The following CD82 variants were observed in gnomAD, a reference collection of about 807,000 sequenced individuals.
CD82 encodes the protein CD82 molecule, also known as CD82 antigen.
CD82 carries 36 observed loss-of-function variants against 37.4 expected under a neutral mutation model. That is an observed-to-expected ratio of 0.96 (90% CI 0.74 to 1.27). CD82 has a LOEUF of 1.27. CD82 is among the 50% of genes most tolerant of loss of function. The probability of loss-of-function intolerance (pLI) is 0.00; values close to 1 mark genes in which losing one functional copy is unlikely to be tolerated. For missense variants in CD82, 340 were observed against 347.0 expected (o/e 0.98, Z 0.16); for synonymous variants, 158 against 137.4 (o/e 1.15, Z -1.05).
At chr11:44,570,228 A>G (rs1345881379) in intron 1 of CD82, among the ~76,000 whole-genome samples, 2 of 152,098 alleles carry the variant, frequency 1.3e-5, no homozygotes, top group East Asian at 3.9e-4. Context: ...AGGTCTGAAC[A>G]TCTCTGGCTG....
At chr11:44,583,489 G>C (rs1158826382) in intron 1 of CD82, among the ~76,000 whole-genome samples, 1 of 152,240 alleles carries the variant, frequency 6.6e-6, no homozygotes, top group Non-Finnish European at 1.5e-5. Context: ...CTTCCTGAAA[G>C]GAAGCTGAGA....
At chr11:44,592,783 T>C in intron 2 of CD82, among the ~76,000 whole-genome samples, 1 of 152,156 alleles carries the variant, frequency 6.6e-6, no homozygotes, top group East Asian at 1.9e-4. Flanking sequence ...GTCACTGCCA[T>C]CTCTGCAATT....
At chr11:44,564,816 G>A (rs1040522914), upstream of CD82, among the ~76,000 whole-genome samples, 15 of 152,324 alleles carry the variant, frequency 9.8e-5, no homozygotes, top group African/African-American at 3.6e-4. Flanking sequence ...ACCTGAGGCT[G>A]GATCCCGCTC....
At chr11:44,614,865 C>T (rs923703315) in intron 6 of CD82, among the ~76,000 whole-genome samples, 2 of 152,042 alleles carry the variant, frequency 1.3e-5, no homozygotes, top group Non-Finnish European at 1.5e-5. Context: ...GTGCCTGGCA[C>T]AAAGACAGCA....
At chr11:44,609,487 G>A (rs1853449734) in intron 6 of CD82, among the ~76,000 whole-genome samples, 1 of 152,104 alleles carries the variant, frequency 6.6e-6, no homozygotes, top group Non-Finnish European at 1.5e-5. Flanking sequence ...CTGGCTGGGA[G>A]CCAGAGGTGG....
chr11:44,615,219 G>T (rs1441228252), intron 6 of CD82, 53 bp from the exon 7 acceptor site: 1 of 1,217,140 alleles, frequency 8.2e-7, no homozygotes, highest in East Asian at 2.3e-5. Flanking sequence ...GTGACCACAG[G>T]TGGGCACGGG....
chr11:44,600,317 G>A lies in CD82; in HGVS notation c.136+87G>A, dbSNP rs1379912776. The A allele has an allele frequency of 7.1e-5, 89 of 1,249,136 alleles. 1 individual carries two copies. The highest frequency in any genetic ancestry group is 1.1e-4 in the South Asian group (9 of 81,674). 77.4% of individuals were successfully genotyped at this position (1,249,136 alleles called of 1,614,324 possible). A position where few individuals can be genotyped will look rare whatever the true frequency, so the allele number is the denominator to read the frequency against. On this transcript the variant is annotated intron_variant, in intron 4 of 9. Transcript: ENST00000227155. ...ATACAGCTGCTCCCATAAGTGCTTC[G>A]GCTTCAATGCCTGTTGCTTTTCCCG...
At chr11:44,615,472 C>T (rs1404334319) in intron 7 of CD82, 99 bp downstream of exon 7, 7 of 746,372 alleles carry the variant, frequency 9.4e-6, no homozygotes, top group East Asian at 2.7e-5. Flanking sequence ...CTGCAGTGCT[C>T]GTGTGTGCCT....
Position 44,600,250 on chromosome 11 carries a change from C to T in CD82, c.136+20C>T, listed in dbSNP as rs1350787841. On this transcript the variant is annotated intron_variant, in intron 4 of 9. Transcript: ENST00000227155. ...TCCTGCGTAAGGACCCCTCAGCTTC[C>T]CCAGACCCAGGCCCACTGAAGAGGG... The T allele has an allele frequency of 6.2e-7, 1 of 1,612,584 alleles. No homozygotes were observed. The highest frequency in any genetic ancestry group is 8.5e-7 in the Non-Finnish European group (1 of 1,178,648).
At chr11:44,614,176 A>G (rs1853527444) in intron 6 of CD82, among the ~76,000 whole-genome samples, 2 of 152,038 alleles carry the variant, frequency 1.3e-5, no homozygotes, top group Admixed American at 6.6e-5. Context: ...CCATGACTAC[A>G]TAGAGGGAGG....
At chr11:44,608,896 T>C (rs1853439503) in intron 6 of CD82, among the ~76,000 whole-genome samples, 3 of 152,204 alleles carry the variant, frequency 2.0e-5, no homozygotes, top group Admixed American at 2.0e-4. Flanking sequence ...ACTTCAGAGA[T>C]GAAGAGCACT....
intron 4 of CD82, among the ~76,000 whole-genome samples, chr11:44,601,385 C>T (rs1853306819): frequency 6.6e-6 from 1 of 151,040 alleles, no homozygotes; most frequent in African/African-American, 2.4e-5. Context: ...CTATCAGTCT[C>T]ATCCCCTTTC....
intron 4 of CD82, among the ~76,000 whole-genome samples, chr11:44,601,058 G>A (rs764478551): frequency 6.6e-6 from 1 of 151,568 alleles, no homozygotes; most frequent in African/African-American, 2.4e-5. Flanking sequence ...CCAGGAAGCC[G>A]TCAGGGCCTG....
At chr11:44,567,474 G>T (rs747322212) in intron 1 of CD82, among the ~76,000 whole-genome samples, 2 of 152,008 alleles carry the variant, frequency 1.3e-5, no homozygotes, top group Non-Finnish European at 2.9e-5. Flanking sequence ...CTTCCTGGAG[G>T]GGGTGAGACT....
intron 1 of CD82, among the ~76,000 whole-genome samples, chr11:44,582,259 T>C (rs1852991078): frequency 6.6e-6 from 1 of 152,202 alleles, no homozygotes; most frequent in South Asian, 2.1e-4. Flanking sequence ...TGAATGTTCC[T>C]TTTGCTCCTA....
chr11:44,615,091 G>A (rs1853541376), intron 6 of CD82, among the ~76,000 whole-genome samples, 181 bp from the exon 7 acceptor site: 1 of 152,142 alleles, frequency 6.6e-6, no homozygotes, highest in Admixed American at 6.5e-5. Context: ...GAGATAGTGG[G>A]GCAGGAGTGG....
At chr11:44,606,698 T>C (rs1456484803) in intron 6 of CD82, 1 of 152,206 alleles carries the variant, frequency 6.6e-6, no homozygotes, top group Non-Finnish European at 1.5e-5. Flanking sequence ...TTCTAGAAAC[T>C]TTCCATACAG....
At chr11:44,590,135 C>A (rs906890961) in intron 2 of CD82, among the ~76,000 whole-genome samples, 9 of 151,890 alleles carry the variant, frequency 5.9e-5, no homozygotes, top group African/African-American at 1.7e-4. Flanking sequence ...GCCTGGCGAC[C>A]CTTGCTGCCT....
chr11:44,582,785 A>G (rs568625052), intron 1 of CD82, among the ~76,000 whole-genome samples: 2 of 152,312 alleles, frequency 1.3e-5, no homozygotes, highest in African/African-American at 4.8e-5. Flanking sequence ...TTTCCGATCA[A>G]TGAGCTGTTG....
Sources: gnomAD v4.1 joint callset for allele counts (sites outside exome capture counted in the v4.1 genomes callset) on GRCh38, gnomAD v4.1.1 for gene constraint, MANE v1.5 for transcripts, NCBI Gene and HGNC (gene_info 2026-07-23, HGNC 2026-07-21) for gene names.